Variants in BSCL2 observed in about 807,000 individuals in gnomAD.
BSCL2 encodes the protein seipin.
Under a neutral mutation model 57.4 loss-of-function variants are expected in BSCL2, and 41 were observed. That is an observed-to-expected ratio of 0.71 (90% CI 0.56 to 0.93). The LOEUF (loss-of-function observed/expected upper bound fraction) is 0.93, where lower values mean the gene tolerates loss of function less well. BSCL2 is among the 40% of genes least tolerant of loss of function. BSCL2 has a pLI of 0.00. For synonymous variants in BSCL2, 237 were observed against 227.3 expected, an observed-to-expected ratio of 1.04 and a Z score of -0.38; for missense variants, 539 against 586.7, an observed-to-expected ratio of 0.92 and a Z score of 0.84.
chr11:62,698,064 C>T (rs201026948), intron 3 of BSCL2, among the ~76,000 whole-genome samples: 3 of 151,766 alleles, frequency 2.0e-5, no homozygotes, highest in East Asian at 3.9e-4. Context: ...CCCGCCACCA[C>T]GCCCACCTAA....
chr11:62,691,178 T>C (rs769634865), intron 7 of BSCL2, 37 bp from the exon 8 acceptor site: 2 of 1,613,920 alleles, frequency 1.2e-6, no homozygotes, highest in Non-Finnish European at 1.7e-6. Flanking sequence ...CAGGACTGAC[T>C]TCCCTCACTA....
Position 62,691,265 on chromosome 11 carries a change from C to T in BSCL2, c.1005+15G>A, listed in dbSNP as rs756868020. 2 of 1,614,182 alleles carry T rather than the reference C, an allele frequency of 1.2e-6. No homozygotes were observed. Among genetic ancestry groups the T allele is most frequent in the East Asian group, 4.5e-5 (2 of 44,882 alleles). On this transcript the variant is annotated intron_variant, in intron 7 of 10. Transcript: ENST00000360796. ...AAGATCAAAGGGACAAAAGGGGGTC[C>T]TTGCCCCTTTCGACCTGCAAAGAGA... is the stretch of plus-strand genomic sequence containing the variant.
intron 3 of BSCL2, among the ~76,000 whole-genome samples, chr11:62,701,733 G>A (rs1463987923): frequency 6.6e-6 from 1 of 151,382 alleles, no homozygotes; most frequent in African/African-American, 2.4e-5. Context: ...TCGGGAGGCT[G>A]AGGCAGGAGA....
intron 3 of BSCL2, 118 bp from the exon 4 acceptor site, chr11:62,694,829 G>T (rs1734253809): frequency 2.4e-6 from 3 of 1,271,896 alleles, no homozygotes; most frequent in African/African-American, 1.5e-5. Flanking sequence ...CAACCCTCTT[G>T]GGTAGCCTAA....
intron 3 of BSCL2, among the ~76,000 whole-genome samples, chr11:62,695,209 A>ATC (rs1291800959): frequency 1.3e-5 from 2 of 152,174 alleles, no homozygotes; most frequent in East Asian, 3.8e-4. Context: ...CCCAAGACTC[A>ATC]GAGTAGGAAG....
intron 2 of BSCL2, among the ~76,000 whole-genome samples, chr11:62,703,016 G>C (rs1217436567): frequency 1.3e-5 from 2 of 152,008 alleles, no homozygotes; most frequent in Non-Finnish European, 2.9e-5. Context: ...GGGGCGTGGT[G>C]GCGCATGCCT....
chr11:62,706,585 G>A (rs2083542648), intron 1 of BSCL2: 2 of 468,090 alleles, frequency 4.3e-6, no homozygotes, highest in Non-Finnish European at 8.8e-6. Context: ...TCTCCCTTGA[G>A]ACTGCAATCA....
intron 3 of BSCL2, among the ~76,000 whole-genome samples, chr11:62,698,054 C>G (rs1313160857): frequency 2.0e-5 from 3 of 151,350 alleles, no homozygotes; most frequent in Non-Finnish European, 2.9e-5. Flanking sequence ...ACTACAGGCG[C>G]CCGCCACCAC....
At chr11:62,706,716 G>A in intron 1 of BSCL2, 1 of 492,136 alleles carries the variant, frequency 2.0e-6, no homozygotes, top group South Asian at 1.5e-5. Context: ...AGGCATCTAA[G>A]GCGGGGGCAT....
At chr11:62,702,680 A>G (rs1484405236) in intron 2 of BSCL2, 131 bp from the exon 3 acceptor site, 1 of 713,034 alleles carries the variant, frequency 1.4e-6, no homozygotes, top group East Asian at 2.9e-5. Context: ...TCTCTGTTAC[A>G]AAGATGGAGA....
intron 2 of BSCL2, among the ~76,000 whole-genome samples, chr11:62,704,369 T>TTA (rs1491203281): frequency 1.2e-4 from 10 of 81,766 alleles, no homozygotes; most frequent in Non-Finnish European, 2.3e-4. Flanking sequence ...CCATCTCTAC[T>TTA]AAAAAAAAAA....
At chr11:62,709,492 C>G (rs2083597534), upstream of BSCL2, 1 of 453,832 alleles carries the variant, frequency 2.2e-6, no homozygotes, top group African/African-American at 2.0e-5. Context: ...GGAGTGCAGT[C>G]GTACAGCAGA....
intron 1 of BSCL2, chr11:62,706,607 G>A (rs777993780): frequency 2.8e-5 from 13 of 470,388 alleles, no homozygotes; most frequent in Non-Finnish European, 5.3e-5. Flanking sequence ...AGCCCTCCGT[G>A]CACACCTTCA....
chr11:62,699,447 C>A (rs1386440492), intron 3 of BSCL2, among the ~76,000 whole-genome samples: 1 of 152,146 alleles, frequency 6.6e-6, no homozygotes, highest in African/African-American at 2.4e-5. Flanking sequence ...CCGCCTGCCT[C>A]GGCCTCCCAA....
intron 3 of BSCL2, among the ~76,000 whole-genome samples, chr11:62,695,502 A>G (rs1945429430): frequency 6.8e-6 from 1 of 148,020 alleles, no homozygotes; most frequent in South Asian, 2.2e-4. Context: ...TGAGGTCAGG[A>G]GTTCGAGACC....
intron 3 of BSCL2, 57 bp downstream of exon 3, chr11:62,702,411 T>C: frequency 6.7e-7 from 1 of 1,488,344 alleles, no homozygotes; most frequent in Non-Finnish European, 9.3e-7. Flanking sequence ...TTCTCAAGTC[T>C]TCCTATTTTG....
upstream of BSCL2, chr11:62,708,652 C>T (rs772575979): frequency 3.7e-6 from 6 of 1,612,510 alleles, no homozygotes; most frequent in Non-Finnish European, 5.1e-6. Flanking sequence ...TCCTGGCTAA[C>T]AATACCCTTC....
chr11:62,704,342 G>A (rs1315050893), intron 2 of BSCL2, among the ~76,000 whole-genome samples: 6 of 136,752 alleles, frequency 4.4e-5, no homozygotes, highest in Non-Finnish European at 9.2e-5. Context: ...GACCATCCTG[G>A]CTAACAAGGT....
intron 1 of BSCL2, 80 bp from the exon 2 acceptor site, chr11:62,705,697 G>A: frequency 7.6e-6 from 10 of 1,308,296 alleles, no homozygotes; most frequent in Non-Finnish European, 1.0e-5. Context: ...GACTGGCTTT[G>A]AGGAACGAGA....
Sources: allele counts gnomAD v4.1 joint callset (sites outside exome capture counted in the v4.1 genomes callset), GRCh38; gene constraint gnomAD v4.1.1; transcripts MANE v1.5; gene names NCBI Gene and HGNC (gene_info 2026-07-23, HGNC 2026-07-21).